WARS1: variants seen among roughly 807,000 people sequenced by gnomAD.
WARS1 encodes tryptophanyl-tRNA synthetase 1.
WARS1 carries 17 observed loss-of-function variants against 47.8 expected under a neutral mutation model. The ratio of observed to expected loss-of-function variants is 0.36; its 90% CI spans 0.24 to 0.53. WARS1 has a LOEUF of 0.53. Ranked by LOEUF, WARS1 falls within the 20% of genes least tolerant of loss-of-function variation. WARS1 has a pLI of 0.91. For synonymous variants in WARS1, 208 were observed against 228.1 expected (o/e 0.91, Z 0.79); for missense variants, 434 against 608.0 (o/e 0.71, Z 3.01).
chr14:100,360,436 C>G lies in WARS1; in HGVS notation c.422+118G>C, dbSNP rs2234524. 0.79 allele frequency: 542,029 copies of G among 690,126 alleles called. 214,212 individuals carry two copies. Among genetic ancestry groups the G allele is most frequent in the East Asian group, 0.88 (33,740 of 38,272 alleles). The allele number at this position is 690,126 out of a possible 1,614,324, so 42.8% of individuals were successfully genotyped here. On this transcript the variant is annotated intron_variant, in intron 4 of 10. Transcript: ENST00000392882. ...GACAGAGGATGGATCTCAGTCTTAC[C>G]ACAGCTGGCCATCACTTTTCCCACA... is the stretch of plus-strand genomic sequence containing the variant.
At position 100,372,706 on chromosome 14, in the gene WARS1, A is replaced by G. The variant is rs551136150; in HGVS notation, c.-74+2577T>C. ...CATCAATCATCATGTCCAGAAACCTATCCTGAATTCTCCCAACTCTCAAAG... is the reference window on the plus strand; with the variant it reads ...CATCAATCATCATGTCCAGAAACCTGTCCTGAATTCTCCCAACTCTCAAAG... On this transcript the variant is annotated intron_variant, in intron 1 of 10. Transcript: ENST00000392882. Among the ~76,000 whole-genome samples the G allele has an allele frequency of 5.9e-5, 9 of 152,322 alleles. No homozygotes were observed. In the South Asian group the frequency reaches 1.7e-3, roughly 28 times the overall value.
At position 100,360,621 on chromosome 14, in the gene WARS1, G is replaced by T; in HGVS notation, c.355C>A (p.Arg119=). Residue 119 remains arginine, a synonymous_variant, in exon 4 of 11, where the codon CGA becomes AGA. Coordinates refer to ENST00000392882, the MANE Select transcript of WARS1 (RefSeq NM_004184.4). ...SSKIDKELIN[R]IERATGQRPH... The stretch of plus-strand genomic sequence containing the variant: ...CTTTGGCCGGTGGCTCTCTCTATTC[G>T]GTTTATTAGCTCTTTGTCAATTTTA... 6.2e-7 allele frequency: 1 copy of T among 1,613,726 alleles called. No individual in the cohort carries two copies. Among genetic ancestry groups the T allele is most frequent in the South Asian group, 1.1e-5 (1 of 91,046 alleles).
chr14:100,334,732 G>T lies in WARS1; in HGVS notation c.*143C>A. 1 of 875,060 alleles carries T rather than the reference G, an allele frequency of 1.1e-6. No individual in the cohort carries two copies. Among genetic ancestry groups the T allele is most frequent in the Non-Finnish European group, 1.7e-6 (1 of 576,846 alleles). The allele number at this position is 875,060 out of a possible 1,614,324, so 54.2% of individuals were successfully genotyped here. A position where few individuals can be genotyped will look rare whatever the true frequency, so the allele number is the denominator to read the frequency against. On this transcript the variant is annotated 3_prime_UTR_variant, in exon 11 of 11. Coordinates refer to ENST00000392882, the MANE Select transcript of WARS1 (RefSeq NM_004184.4). ...GGAACTCACAGGAAGAAACAGTATT[G>T]ATAACATACACAGGCTTACAGAGGC...
At chr14:100,336,089 G>C (rs1442887070) in intron 10 of WARS1, among the ~76,000 whole-genome samples, 19 of 151,782 alleles carry the variant, frequency 1.3e-4, no homozygotes, top group Non-Finnish European at 1.5e-5. Context: ...TCTTGAATAA[G>C]ACGGTAAAAC....
At chr14:100,336,784 A>T (rs1175571126) in intron 10 of WARS1, 1 of 349,316 alleles carries the variant, frequency 2.9e-6, no homozygotes, top group East Asian at 4.6e-5. Flanking sequence ...CTTAGCTTTG[A>T]TCACGTTAAC....
At chr14:100,369,773 G>A (rs1325054379) in intron 1 of WARS1, among the ~76,000 whole-genome samples, 1 of 151,958 alleles carries the variant, frequency 6.6e-6, no homozygotes, top group Non-Finnish European at 1.5e-5. Context: ...CACCTCTGGG[G>A]TTCAAGCGAT....
chr14:100,358,226 G>A (rs8009897), intron 4 of WARS1, among the ~76,000 whole-genome samples: 103,150 of 151,590 alleles, frequency 0.68, 36,373 homozygotes, highest in Admixed American at 0.81. Context: ...TCCGCCTCCC[G>A]GGTTCATGCC....
At chr14:100,369,343 C>T (rs937814512) in intron 1 of WARS1, 85 bp from the exon 2 acceptor site, 5 of 374,338 alleles carry the variant, frequency 1.3e-5, no homozygotes, top group Non-Finnish European at 9.2e-6. Context: ...TGTATTGAGT[C>T]CTTTTTTCCG....
chr14:100,366,142 G>A (rs1421043312), intron 2 of WARS1: 1 of 455,688 alleles, frequency 2.2e-6, no homozygotes, highest in Non-Finnish European at 4.4e-6. Context: ...GCACAGTTGG[G>A]GCACTGGCAG....
rs1470677804 is a variant in WARS1 at position 100,338,239 on chromosome 14, T to C, written c.1114-1037A>G. Reference sequence around the variant, plus strand: ...AATAGGTGAAACTCCTTCAACATTCTTTCAGTGAGCATCTGAGAAAATGTC... The same window carrying C: ...AATAGGTGAAACTCCTTCAACATTCCTTCAGTGAGCATCTGAGAAAATGTC... On this transcript the variant is annotated intron_variant, in intron 9 of 10. Transcript: ENST00000392882. 2.0e-5 allele frequency among the ~76,000 whole-genome samples: 3 copies of C among 152,176 alleles called. No homozygotes were observed. The East Asian group carries it at 5.8e-4, about 29-fold the overall frequency.
chr14:100,366,380 TG>T (rs1395838802), intron 2 of WARS1, among the ~76,000 whole-genome samples: 1 of 152,214 alleles, frequency 6.6e-6, no homozygotes, highest in Non-Finnish European at 1.5e-5. Context: ...GTGGAACCTA[TG>T]TTGATAAGCT....
intron 5 of WARS1, chr14:100,354,245 A>T (rs947896649): frequency 4.5e-6 from 3 of 659,498 alleles, no homozygotes; most frequent in Non-Finnish European, 7.2e-6. Context: ...CTGACTCCAA[A>T]GCTGCGCTCT....
At chr14:100,371,447 C>CAAAAAAAAAAAAA (rs60977618) in intron 1 of WARS1, among the ~76,000 whole-genome samples, 1,423 of 88,838 alleles carry the variant, frequency 0.016, 111 homozygotes, top group Non-Finnish European at 0.031. Context: ...GGTTCTGTCT[C>CAAAAAAAAAAAAA]AAAAAAAAAA....
intron 4 of WARS1, among the ~76,000 whole-genome samples, chr14:100,356,405 G>GGT (rs1895325409): frequency 6.7e-6 from 1 of 149,246 alleles, no homozygotes; most frequent in South Asian, 2.3e-4. Context: ...GTGTGGGGGG[G>GGT]GGTGTGGAAT....
chr14:100,370,645 T>C (rs1235622504), intron 1 of WARS1: 2 of 152,180 alleles, frequency 1.3e-5, no homozygotes, highest in Non-Finnish European at 2.9e-5. Context: ...GCAGCAGTCC[T>C]ATGAAATAGA....
intron 2 of WARS1, among the ~76,000 whole-genome samples, chr14:100,364,148 T>G (rs1895816942): frequency 1.3e-5 from 2 of 152,208 alleles, no homozygotes. Context: ...ATGATCAGCA[T>G]GTTTTTCTAT....
chr14:100,366,455 C>T (rs907712641), intron 2 of WARS1, among the ~76,000 whole-genome samples: 2 of 152,098 alleles, frequency 1.3e-5, no homozygotes, highest in African/African-American at 4.8e-5. Context: ...AGCAAATAGC[C>T]AAGAAACACC....
intron 4 of WARS1, among the ~76,000 whole-genome samples, chr14:100,358,367 C>T (rs1230375764): frequency 2.0e-5 from 3 of 152,132 alleles, no homozygotes; most frequent in South Asian, 2.1e-4. Flanking sequence ...CTCCTGACCT[C>T]GTGATCCGCC....
chr14:100,335,242 G>A (rs1893639782), intron 10 of WARS1, among the ~76,000 whole-genome samples: 1 of 152,152 alleles, frequency 6.6e-6, no homozygotes, highest in Non-Finnish European at 1.5e-5. Flanking sequence ...TGGCTCTGAC[G>A]ATAGCCATGA....
Sources: allele counts gnomAD v4.1 joint callset (sites outside exome capture counted in the v4.1 genomes callset), GRCh38; gene constraint gnomAD v4.1.1; transcripts MANE v1.5; gene names NCBI Gene and HGNC (gene_info 2026-07-23, HGNC 2026-07-21).